Variants in MDGA2 observed in about 807,000 individuals in gnomAD.
MDGA2 encodes MAM domain-containing glycosylphosphatidylinositol anchor protein 2.
A neutral mutation model predicts 117.8 loss-of-function variants in MDGA2; 40 were observed. The observed-to-expected ratio is 0.34, with a 90% confidence interval of 0.26 to 0.44. The LOEUF is 0.44. Among genes scored for constraint, MDGA2 ranks in the 20% least tolerant of loss-of-function variants. The probability of loss-of-function intolerance (pLI) is 1.00; values close to 1 mark genes in which losing one functional copy is unlikely to be tolerated. For synonymous variants in MDGA2, 452 were observed against 439.0 expected (o/e 1.03, Z -0.37); for missense variants, 1,123 against 1,250.6 (o/e 0.90, Z 1.54).
intron 1 of MDGA2, among the ~76,000 whole-genome samples, chr14:47,424,822 C>A (rs1892652409): frequency 6.6e-6 from 1 of 152,168 alleles, no homozygotes; most frequent in African/African-American, 2.4e-5. Context: ...ACCTACCCTC[C>A]CATTGCCTAG....
At chr14:47,152,492 G>C (rs1032097228) in intron 3 of MDGA2, among the ~76,000 whole-genome samples, 3 of 152,044 alleles carry the variant, frequency 2.0e-5, no homozygotes, top group African/African-American at 7.2e-5. Flanking sequence ...AATGTCCTGG[G>C]AGTCAAGTTT....
chr14:47,643,066 G>A (rs970856476), intron 1 of MDGA2, among the ~76,000 whole-genome samples: 29 of 151,904 alleles, frequency 1.9e-4, no homozygotes, highest in East Asian at 3.9e-4. Context: ...GTAAGCATTC[G>A]CTATTAGCAT....
chr14:47,604,912 A>C (rs1021171015), intron 1 of MDGA2, among the ~76,000 whole-genome samples: 1 of 152,162 alleles, frequency 6.6e-6, no homozygotes, highest in African/African-American at 2.4e-5. Context: ...CTACCTGCAC[A>C]GGACTGCTCA....
chr14:47,264,811 C>T (rs560871521), intron 2 of MDGA2, among the ~76,000 whole-genome samples: 6 of 152,038 alleles, frequency 3.9e-5, no homozygotes, highest in Non-Finnish European at 8.8e-5. Context: ...CCCATCAACT[C>T]GTCATTTACA....
intron 1 of MDGA2, among the ~76,000 whole-genome samples, chr14:47,414,117 T>C (rs1892427705): frequency 1.3e-5 from 2 of 152,174 alleles, no homozygotes; most frequent in African/African-American, 4.8e-5. Flanking sequence ...TATGAAGTCC[T>C]AGTGAGATAC....
intron 1 of MDGA2, among the ~76,000 whole-genome samples, chr14:47,352,319 A>C (rs1441590481): frequency 6.6e-6 from 1 of 152,096 alleles, no homozygotes; most frequent in African/African-American, 2.4e-5. Flanking sequence ...GTGTCTGGTT[A>C]ATCTCCCAAA....
chr14:47,166,778 G>A (rs1311485011), intron 3 of MDGA2, among the ~76,000 whole-genome samples: 2 of 152,158 alleles, frequency 1.3e-5, no homozygotes, highest in Non-Finnish European at 2.9e-5. Flanking sequence ...CCTGACGTAA[G>A]AGCATATTAC....
At chr14:46,910,723 C>G (rs1883666193) in intron 10 of MDGA2, among the ~76,000 whole-genome samples, 1 of 152,114 alleles carries the variant, frequency 6.6e-6, no homozygotes, top group South Asian at 2.1e-4. Flanking sequence ...CTGTATCTAG[C>G]AAACCCATAG....
chr14:47,197,263 T>G (rs1885320858), intron 3 of MDGA2, among the ~76,000 whole-genome samples: 1 of 152,132 alleles, frequency 6.6e-6, no homozygotes, highest in Non-Finnish European at 1.5e-5. Flanking sequence ...TACCTGGAGG[T>G]GGAGCCCTTG....
chr14:47,370,950 A>T (rs1891343855), intron 1 of MDGA2, among the ~76,000 whole-genome samples: 1 of 151,860 alleles, frequency 6.6e-6, no homozygotes, highest in Non-Finnish European at 1.5e-5. Flanking sequence ...AAATTCATCA[A>T]AAGCAGGGAA....
chr14:46,871,648 C>T (rs1882003023), intron 14 of MDGA2: 1 of 154,332 alleles, frequency 6.5e-6, no homozygotes, highest in South Asian at 2.0e-4. Context: ...GAGTGTCTGC[C>T]ATCTGGTTGA....
intron 14 of MDGA2, among the ~76,000 whole-genome samples, chr14:46,869,262 A>G (rs376566133): frequency 9.9e-5 from 15 of 151,254 alleles, no homozygotes; most frequent in African/African-American, 3.2e-4. Flanking sequence ...TGACCTTTAC[A>G]TTGCACATTC....
At position 47,097,106 on chromosome 14, in the gene MDGA2, G is replaced by C. The variant is rs1566621881; in HGVS notation, c.943C>G (p.Leu315Val). ...ACAACTATAGGATCATCCACCAAGAGTTTAATTGACGGTGATGCTAAAAGA... is the reference window on the plus strand; with the variant it reads ...ACAACTATAGGATCATCCACCAAGACTTTAATTGACGGTGATGCTAAAAGA... Reference protein sequence around the residue: ...SNKTASPSIKLLVDDPIVVNP... With the variant: ...SNKTASPSIKVLVDDPIVVNP... Residue 315 changes from leucine (L) to valine (V), a missense_variant, in exon 6 of 17, where the codon CTC (leucine) becomes GTC (valine). By Grantham distance (32) the Leu-to-Val change is conservative. Around this residue, in one of 2 missense-constraint regions of MDGA2, gnomAD observed 890 missense variants for 1,050.3 expected, o/e 0.85. Transcript: ENST00000399232. The C allele has an allele frequency of 6.2e-7, 1 of 1,612,490 alleles. No individual in the cohort carries two copies. The highest frequency in any genetic ancestry group is 8.5e-7 in the Non-Finnish European group (1 of 1,178,868).
chr14:47,398,393 T>A (rs2138453782), intron 1 of MDGA2, among the ~76,000 whole-genome samples: 1 of 152,300 alleles, frequency 6.6e-6, no homozygotes, highest in African/African-American at 2.4e-5. Flanking sequence ...CTTTTGCCTG[T>A]GAGAGTTTAG....
intron 1 of MDGA2, among the ~76,000 whole-genome samples, chr14:47,445,797 A>G (rs1267516458): frequency 1.3e-5 from 2 of 152,252 alleles, no homozygotes; most frequent in African/African-American, 4.8e-5. Context: ...ACTTCCTTGG[A>G]TGTCATGTAG....
intron 1 of MDGA2, among the ~76,000 whole-genome samples, chr14:47,404,024 C>T (rs187222770): frequency 6.6e-6 from 1 of 152,172 alleles, no homozygotes; most frequent in Admixed American, 6.5e-5. Flanking sequence ...ATTCATGTTT[C>T]CCTGTTTCTT....
intron 1 of MDGA2, among the ~76,000 whole-genome samples, chr14:47,601,464 A>G (rs1324699098): frequency 6.6e-6 from 1 of 152,204 alleles, no homozygotes; most frequent in Admixed American, 6.5e-5. Flanking sequence ...GATTAAAAAG[A>G]AATAGTTTAA....
Position 47,131,782 on chromosome 14 carries a change from A to G in MDGA2, c.857T>C (p.Ile286Thr). ...ATTACATACATTCCTCACTGAAGCA[A>G]TGCAGCTATAATTAGCATAGTCCTG... ...RPQDYANYSCIASVRNVCNIP... is the reference protein window; with the variant it reads ...RPQDYANYSCTASVRNVCNIP... The change falls in exon 5 of 17, where the codon ATT becomes ACT. Residue 286 changes from isoleucine to threonine, a missense_variant. Around this residue, in one of 2 missense-constraint regions of MDGA2, gnomAD observed 890 missense variants for 1,050.3 expected, o/e 0.85. Coordinates refer to ENST00000399232, the MANE Select transcript of MDGA2 (RefSeq NM_001113498.3). 6.3e-7 allele frequency: 1 copy of G among 1,595,646 alleles called. No individual in the cohort carries two copies. Among genetic ancestry groups the G allele is most frequent in the Non-Finnish European group, 8.6e-7 (1 of 1,166,484 alleles).
At chr14:46,881,901 T>C (rs181413692) in intron 11 of MDGA2, 143 bp downstream of exon 11, 18 of 466,694 alleles carry the variant, frequency 3.9e-5, no homozygotes, top group Non-Finnish European at 6.1e-5. Flanking sequence ...GTTTTTGTTT[T>C]TTTGTTTAGT....
Sources: allele counts gnomAD v4.1 joint callset (sites outside exome capture counted in the v4.1 genomes callset), GRCh38; gene constraint gnomAD v4.1.1; regional missense constraint gnomAD v4.1.1; transcripts MANE v1.5; gene names NCBI Gene and HGNC (gene_info 2026-07-23, HGNC 2026-07-21).